Variants in RBFOX3 observed in about 807,000 individuals in gnomAD.
RBFOX3 encodes the protein RNA binding protein fox-1 homolog 3.
Under a neutral mutation model 48.7 loss-of-function variants are expected in RBFOX3, and 17 were observed. The ratio of observed to expected loss-of-function variants is 0.35; its 90% confidence interval spans 0.24 to 0.52. The LOEUF (loss-of-function observed/expected upper bound fraction) is 0.52, where lower values mean the gene tolerates loss of function less well. RBFOX3 is among the 20% of genes least tolerant of loss of function. RBFOX3 has a pLI of 0.94. For missense variants in RBFOX3, 382 were observed against 497.5 expected, an observed-to-expected ratio of 0.77 and a Z score of 2.21; for synonymous variants, 212 against 209.5, an observed-to-expected ratio of 1.01 and a Z score of -0.10.
intron 1 of RBFOX3, among the ~76,000 whole-genome samples, chr17:79,511,256 G>A (rs1430583266): frequency 1.3e-5 from 2 of 152,166 alleles, no homozygotes; most frequent in East Asian, 1.9e-4. Flanking sequence ...CCAGATATCC[G>A]CTTAGACGAA....
chr17:79,222,200 C>T (rs139449790), intron 4 of RBFOX3, among the ~76,000 whole-genome samples: 107 of 152,192 alleles, frequency 7.0e-4, no homozygotes, highest in African/African-American at 2.5e-3. Flanking sequence ...CTGATTTCTA[C>T]CGGCAGCCTG....
chr17:79,321,752 C>T (rs1271658468), intron 2 of RBFOX3, among the ~76,000 whole-genome samples: 1 of 145,632 alleles, frequency 6.9e-6, no homozygotes, highest in Admixed American at 7.1e-5. Flanking sequence ...GTCACCCAGG[C>T]TGGAGTGCAG....
chr17:79,655,910 C>T, the RBFOX3 span, among the ~76,000 whole-genome samples: 21,247 of 152,144 alleles, frequency 0.14, 2,039 homozygotes, highest in African/African-American at 0.27. Context: ...CTGACCCATC[C>T]AGCCCCTAGT....
chr17:79,269,456 A>T (rs1388361148), intron 3 of RBFOX3, among the ~76,000 whole-genome samples: 2 of 152,138 alleles, frequency 1.3e-5, no homozygotes, highest in East Asian at 3.8e-4. Flanking sequence ...GTGCTCAATG[A>T]ATATTGGCCC....
intron 1 of RBFOX3, among the ~76,000 whole-genome samples, chr17:79,593,024 G>A (rs985856593): frequency 2.6e-5 from 4 of 152,072 alleles, no homozygotes; most frequent in Non-Finnish European, 5.9e-5. Flanking sequence ...CTGAGTGCTC[G>A]GAGGTGGGGG....
chr17:79,182,521 C>T (rs945817473), intron 4 of RBFOX3, among the ~76,000 whole-genome samples: 5 of 152,034 alleles, frequency 3.3e-5, no homozygotes, highest in African/African-American at 1.2e-4. Context: ...CAGCGCAGGA[C>T]CCCCGTCCCC....
chr17:79,618,962 T>C, the RBFOX3 span, among the ~76,000 whole-genome samples: 1 of 152,026 alleles, frequency 6.6e-6, no homozygotes, highest in Non-Finnish European at 1.5e-5. Flanking sequence ...GGGTTTCTGC[T>C]CCCAGGAAGG....
intron 3 of RBFOX3, among the ~76,000 whole-genome samples, chr17:79,287,444 C>T (rs944011553): frequency 5.3e-5 from 8 of 151,758 alleles, no homozygotes; most frequent in East Asian, 1.9e-4. Context: ...GGTGTTGATC[C>T]GAGGGGTTGT....
intron 4 of RBFOX3, among the ~76,000 whole-genome samples, chr17:79,227,770 G>A (rs1170608154): frequency 6.6e-6 from 1 of 152,222 alleles, no homozygotes; most frequent in African/African-American, 2.4e-5. Flanking sequence ...AAATCCAGGG[G>A]CAGGGGAAGG....
rs2078621204 is a variant in RBFOX3 at position 79,480,472 on chromosome 17, GC to G, written c.-175+1981del. Among the ~76,000 whole-genome samples the G allele has an allele frequency of 6.6e-6, 1 of 152,068 alleles. No individual in the cohort carries two copies. The highest frequency in any genetic ancestry group is 2.4e-5 in the African/African-American group (1 of 41,390). On this transcript the variant is annotated intron_variant, in intron 2 of 14. Transcript: ENST00000693108. The surrounding 1 kb of genome is among the most constrained non-coding windows in gnomAD (Gnocchi z 4.8). Reference sequence around the variant, plus strand: ...CAGGCCATTCAATCCCTCACTCAGAGCCCTGCAGTGGCTCCCACCACCCTTA... The same window carrying G: ...CAGGCCATTCAATCCCTCACTCAGAGCCTGCAGTGGCTCCCACCACCCTTA...
chr17:79,263,223 G>C (rs1474129332), intron 3 of RBFOX3, among the ~76,000 whole-genome samples: 1 of 152,246 alleles, frequency 6.6e-6, no homozygotes, highest in Non-Finnish European at 1.5e-5. Flanking sequence ...GAAACACTCA[G>C]GCTAGAGGGA....
rs2056539428 is a variant in RBFOX3, at chr17:79,200,265, A to G, written c.-34+35501T>C. On this transcript the variant is annotated intron_variant, in intron 4 of 14. Transcript: ENST00000693108. The stretch of plus-strand genomic sequence containing the variant: ...GCCAAAGCCGAGTGTACAGATCATC[A>G]GCAAGGTGGCCTGTGCCCAAGCTGC... Among the ~76,000 whole-genome samples, 2 of 152,096 alleles carry G rather than the reference A, an allele frequency of 1.3e-5. 1 individual carries two copies. Among genetic ancestry groups the G allele is most frequent in the Non-Finnish European group, 2.9e-5 (2 of 68,040 alleles).
the RBFOX3 span, among the ~76,000 whole-genome samples, chr17:79,628,732 C>T: frequency 1 from 152,171 of 152,312 alleles, 76,016 homozygotes; most frequent in Middle Eastern, 1. Context: ...CTTTGTGTTT[C>T]CTTGGAAAGC....
chr17:79,319,527 T>C (rs937293418), intron 2 of RBFOX3, among the ~76,000 whole-genome samples: 13 of 152,052 alleles, frequency 8.5e-5, no homozygotes. Context: ...GCTGGTCTTG[T>C]CTGGGCTGCT....
intron 4 of RBFOX3, among the ~76,000 whole-genome samples, chr17:79,201,104 G>GACA (rs35716164): frequency 1.3e-5 from 2 of 151,310 alleles, no homozygotes; most frequent in South Asian, 2.1e-4. Context: ...CAACAACAAC[G>GACA]ACAACAACAA....
rs145421838 is a variant in RBFOX3 at position 79,336,109 on chromosome 17, G to A, written c.-174-28285C>T. Among the ~76,000 whole-genome samples, 237 of 152,222 alleles carry A rather than the reference G, an allele frequency of 1.6e-3. 2 individuals are homozygous for A. The highest frequency in any genetic ancestry group is 5.3e-3 in the African/African-American group (222 of 41,534). On this transcript the variant is annotated intron_variant, in intron 2 of 14. Coordinates refer to ENST00000693108, the MANE Select transcript of RBFOX3 (RefSeq NM_001350451.2). ...TCTTTTAAATCCCACTGTTCTGGCC[G>A]GGAGCAGTGGCTCTCGCCTGTAATC... is the stretch of plus-strand genomic sequence containing the variant.
At chr17:79,639,020 A>C in the RBFOX3 span, among the ~76,000 whole-genome samples, 3 of 152,216 alleles carry the variant, frequency 2.0e-5, no homozygotes, top group Non-Finnish European at 4.4e-5. Context: ...CAGTAATCAA[A>C]AACCACTCAA....
Position 79,415,394 on chromosome 17 carries a change from C to T in RBFOX3, c.-175+67060G>A, listed in dbSNP as rs2065173616. 2.6e-5 allele frequency among the ~76,000 whole-genome samples: 4 copies of T among 152,196 alleles called. No individual in the cohort carries two copies. In the South Asian group the frequency reaches 8.3e-4, roughly 31 times the overall value. On this transcript the variant is annotated intron_variant, in intron 2 of 14. Transcript: ENST00000693108. ...GGGGGTCAGAGTACCTCCCCTCCCCCACCCAGGGAGAAGGGGGCACTGTGC... is the reference window on the plus strand; with the variant it reads ...GGGGGTCAGAGTACCTCCCCTCCCCTACCCAGGGAGAAGGGGGCACTGTGC...
chr17:79,556,322 G>A (rs900607309), intron 1 of RBFOX3, among the ~76,000 whole-genome samples: 221 of 151,650 alleles, frequency 1.5e-3, no homozygotes, highest in African/African-American at 5.0e-3. Flanking sequence ...GGAAGGGGAC[G>A]TCAGGACATA....
Sources: allele counts gnomAD v4.1 joint callset (sites outside exome capture counted in the v4.1 genomes callset), GRCh38; gene constraint gnomAD v4.1.1; non-coding constraint Gnocchi (gnomAD v3.1); transcripts MANE v1.5; gene names NCBI Gene and HGNC (gene_info 2026-07-23, HGNC 2026-07-21).